The following KCNQ5 variants were observed in gnomAD, a reference collection of about 807,000 sequenced individuals.
The protein encoded by KCNQ5 is potassium voltage-gated channel subfamily Q member 5.
In KCNQ5, 30 loss-of-function variants were observed where a neutral mutation model predicts 98.2. The observed-to-expected ratio is 0.31, with a 90% CI of 0.23 to 0.41. KCNQ5 has a LOEUF of 0.41. Ranked by LOEUF, KCNQ5 falls within the 10% of genes least tolerant of loss-of-function variation. KCNQ5 has a pLI of 1.00. For synonymous variants in KCNQ5, 458 were observed against 449.4 expected (o/e 1.02, Z -0.24); for missense variants, 835 against 1,182.5 (o/e 0.71, Z 4.31).
At chr6:73,134,064 C>G (rs189266453) in intron 10 of KCNQ5, 1 of 461,156 alleles carries the variant, frequency 2.2e-6, no homozygotes, top group African/African-American at 2.0e-5. Context: ...CATTTCTGGT[C>G]AACAATGAAG....
intron 5 of KCNQ5, among the ~76,000 whole-genome samples, chr6:73,101,743 T>C (rs547460956): frequency 1.3e-5 from 2 of 152,188 alleles, no homozygotes; most frequent in African/African-American, 2.4e-5. Flanking sequence ...ATGAAAGATA[T>C]TAAAGAGGAT....
chr6:73,071,732 T>G (rs1180318097), intron 3 of KCNQ5, among the ~76,000 whole-genome samples: 1 of 152,114 alleles, frequency 6.6e-6, no homozygotes. Flanking sequence ...AGTCATTACT[T>G]CAAGGACGGT....
chr6:73,169,081 A>C (rs1207830922), intron 10 of KCNQ5, among the ~76,000 whole-genome samples: 1 of 152,242 alleles, frequency 6.6e-6, no homozygotes, highest in Non-Finnish European at 1.5e-5. Flanking sequence ...TTGCTTTACA[A>C]ATTCATAATA....
chr6:72,947,243 A>C (rs1452189640), intron 1 of KCNQ5, among the ~76,000 whole-genome samples: 1 of 152,208 alleles, frequency 6.6e-6, no homozygotes, highest in African/African-American at 2.4e-5. Context: ...CTGAGCTTTG[A>C]ATATGAAATA....
chr6:72,789,698 G>A (rs1773933273), intron 1 of KCNQ5, among the ~76,000 whole-genome samples: 1 of 152,110 alleles, frequency 6.6e-6, no homozygotes, highest in African/African-American at 2.4e-5. Context: ...TTTAAATGAG[G>A]AAACTGATAC....
Position 73,196,949 on chromosome 6 carries a change from A to G in KCNQ5, c.*1535A>G, listed in dbSNP as rs1325451486. On this transcript the variant is annotated 3_prime_UTR_variant, in exon 14 of 14. Coordinates refer to ENST00000370398, the MANE Select transcript of KCNQ5 (RefSeq NM_019842.4). ...GACATTCAAAAAAAAAGGACATAAG[A>G]GATAGCATTTCAATTCAATTAAACC... is the stretch of plus-strand genomic sequence containing the variant. 6.6e-6 allele frequency: 1 copy of G among 152,196 alleles called. No homozygotes were observed. The highest frequency in any genetic ancestry group is 1.5e-5 in the Non-Finnish European group (1 of 68,040). 9.4% of individuals were successfully genotyped at this position (152,196 alleles called of 1,614,324 possible).
chr6:73,153,133 C>T (rs9343011), intron 10 of KCNQ5, among the ~76,000 whole-genome samples: 113,365 of 151,878 alleles, frequency 0.75, 43,157 homozygotes, highest in East Asian at 0.88. Context: ...AAGTACCTAA[C>T]GTTGCCAATT....
At chr6:72,883,965 C>T (rs76636511) in intron 1 of KCNQ5, among the ~76,000 whole-genome samples, 1 of 152,134 alleles carries the variant, frequency 6.6e-6, no homozygotes, top group East Asian at 1.9e-4. Context: ...CTCTATATGA[C>T]ATAGTGATCA....
chr6:72,658,191 T>C (rs1766292626), intron 1 of KCNQ5, among the ~76,000 whole-genome samples: 1 of 152,180 alleles, frequency 6.6e-6, no homozygotes, highest in South Asian at 2.1e-4. Context: ...ATAAAATGGG[T>C]TTGTTCTACA....
At chr6:72,645,857 T>C (rs1765571664) in intron 1 of KCNQ5, among the ~76,000 whole-genome samples, 1 of 152,178 alleles carries the variant, frequency 6.6e-6, no homozygotes, top group Admixed American at 6.5e-5. Context: ...TTTGCATATG[T>C]CATGGTGAGT....
chr6:72,860,805 G>C (rs949364722), intron 1 of KCNQ5, among the ~76,000 whole-genome samples: 7 of 151,622 alleles, frequency 4.6e-5, no homozygotes, highest in African/African-American at 7.3e-5. Context: ...TGGTCTTAAT[G>C]TATTCCTGGC....
chr6:72,941,652 A>T (rs1224298619), intron 1 of KCNQ5, among the ~76,000 whole-genome samples: 2 of 14,196 alleles, frequency 1.4e-4, no homozygotes, highest in Non-Finnish European at 2.8e-4. Context: ...CCCCACCCGC[A>T]CCTCCCTCCC....
chr6:72,937,468 T>C (rs914497068), intron 1 of KCNQ5, among the ~76,000 whole-genome samples: 1 of 152,222 alleles, frequency 6.6e-6, no homozygotes, highest in Non-Finnish European at 1.5e-5. Flanking sequence ...CTGTAAAATA[T>C]AGCACACATT....
At chr6:72,813,124 G>A (rs1292607436) in intron 1 of KCNQ5, among the ~76,000 whole-genome samples, 2 of 151,966 alleles carry the variant, frequency 1.3e-5, no homozygotes, top group East Asian at 3.9e-4. Flanking sequence ...GAACTATGAT[G>A]TTTAATCTAT....
chr6:72,831,472 C>T (rs181946672), intron 1 of KCNQ5, among the ~76,000 whole-genome samples: 7 of 151,254 alleles, frequency 4.6e-5, no homozygotes, highest in African/African-American at 1.2e-4. Flanking sequence ...AGCAGACTAT[C>T]GCAAGGACAA....
At position 73,024,977 on chromosome 6, in the gene KCNQ5, A is replaced by G. The variant is rs528560106; in HGVS notation, c.490-16959A>G. ...ACATGCTTTTCTTAATATTTTGAAC[A>G]CTCAACATTTGATTGAGAGGCACGG... On this transcript the variant is annotated intron_variant, in intron 2 of 13. Transcript: ENST00000370398. 2.0e-5 allele frequency among the ~76,000 whole-genome samples: 3 copies of G among 152,292 alleles called. No individual in the cohort carries two copies. The South Asian group carries it at 6.2e-4, about 32-fold the overall frequency.
intron 6 of KCNQ5, among the ~76,000 whole-genome samples, chr6:73,106,339 A>G (rs1243833477): frequency 2.6e-5 from 4 of 152,202 alleles, no homozygotes; most frequent in Non-Finnish European, 5.9e-5. Context: ...ATGCTTGGGT[A>G]CTAGACCTCA....
chr6:72,794,970 A>G (rs1350557004), intron 1 of KCNQ5, among the ~76,000 whole-genome samples: 1 of 152,198 alleles, frequency 6.6e-6, no homozygotes, highest in Non-Finnish European at 1.5e-5. Context: ...TGCTTGCTTC[A>G]GGCATAGCTA....
At chr6:72,689,965 T>C (rs1004082578) in intron 1 of KCNQ5, among the ~76,000 whole-genome samples, 9 of 152,118 alleles carry the variant, frequency 5.9e-5, no homozygotes, top group African/African-American at 2.2e-4. Context: ...CAGATTTAGC[T>C]AGAGTGGCTT....
Sources: gnomAD v4.1 joint callset for allele counts (sites outside exome capture counted in the v4.1 genomes callset) on GRCh38, gnomAD v4.1.1 for gene constraint, MANE v1.5 for transcripts, NCBI Gene and HGNC (gene_info 2026-07-23, HGNC 2026-07-21) for gene names.